The following KATNBL1 variants were observed in gnomAD, a reference collection of about 807,000 sequenced individuals.
KATNBL1 encodes the protein katanin regulatory subunit B1 like 1, also known as KATNB1-like protein 1.
Under a neutral mutation model 44.7 loss-of-function variants are expected in KATNBL1, and 28 were observed. That is an observed-to-expected ratio of 0.63 (90% CI 0.46 to 0.86). KATNBL1 has a LOEUF of 0.86. Ranked by LOEUF, KATNBL1 falls within the 40% of genes least tolerant of loss-of-function variation. KATNBL1 has a pLI of 0.00. For synonymous variants in KATNBL1, 78 were observed against 114.9 expected (o/e 0.68, Z 2.06); for missense variants, 272 against 350.7 (o/e 0.78, Z 1.79).
At chr15:34,187,423 A>G (rs1889748333) in intron 1 of KATNBL1, among the ~76,000 whole-genome samples, 1 of 152,206 alleles carries the variant, frequency 6.6e-6, no homozygotes. Context: ...ACACAGGACA[A>G]GAACTTGGGC....
intron 4 of KATNBL1, among the ~76,000 whole-genome samples, chr15:34,152,308 C>T (rs1052029384): frequency 6.6e-6 from 1 of 152,002 alleles, no homozygotes; most frequent in African/African-American, 2.4e-5. Flanking sequence ...TCAAGCGATT[C>T]TCCTGTCTCA....
chr15:34,208,401 A>G (rs1466219165), intron 1 of KATNBL1: 3 of 152,264 alleles, frequency 2.0e-5, no homozygotes, highest in Non-Finnish European at 4.4e-5. Context: ...TCTGCTATAG[A>G]TAAGTATAAA....
chr15:34,178,059 ATTT>A (rs910827786), intron 1 of KATNBL1: 1 of 151,968 alleles, frequency 6.6e-6, no homozygotes, highest in Non-Finnish European at 1.5e-5. Context: ...GCTTTAGTCT[ATTT>A]TTTTTAACCC....
chr15:34,171,632 A>C lies in KATNBL1; in HGVS notation c.-14-7942T>G, dbSNP rs1033504324. 7.2e-5 allele frequency among the ~76,000 whole-genome samples: 11 copies of C among 152,312 alleles called. 1 individual carries two copies. The highest frequency in any genetic ancestry group is 3.9e-4 in the Admixed American group (6 of 15,298). ...AATCATGCTACTATAAAGACACATG[A>C]ACATGTATGTTTATTGCAGCACTAT... On this transcript the variant is annotated intron_variant, in intron 1 of 9. Transcript: ENST00000256544.
In KATNBL1 at chr15:34,163,928, T is replaced by C. The variant is rs575677443; in HGVS notation, c.-14-238A>G. On this transcript the variant is annotated intron_variant, in intron 1 of 9. Coordinates refer to ENST00000256544, the MANE Select transcript of KATNBL1 (RefSeq NM_024713.3). The stretch of plus-strand genomic sequence containing the variant: ...TTTTTTTTGAGATGGAGTTTTGCTC[T>C]GTTGCCCAGGCTGGAGTGCGATGGC... Among the ~76,000 whole-genome samples the C allele has an allele frequency of 7.9e-5, 12 of 152,144 alleles. No individual in the cohort carries two copies. The South Asian group carries it at 1.5e-3, about 18-fold the overall frequency.
chr15:34,194,070 C>A (rs1889966422), intron 1 of KATNBL1, among the ~76,000 whole-genome samples: 1 of 151,936 alleles, frequency 6.6e-6, no homozygotes, highest in South Asian at 2.1e-4. Flanking sequence ...GCCTCCCGAG[C>A]AGCTGGGACT....
At chr15:34,207,777 A>T (rs143585316) in intron 1 of KATNBL1, among the ~76,000 whole-genome samples, 110 of 152,044 alleles carry the variant, frequency 7.2e-4, no homozygotes, top group African/African-American at 2.6e-3. Context: ...AATATTTTAA[A>T]TTTTTTGTAG....
At chr15:34,143,567 C>A (rs1301541782) in intron 9 of KATNBL1, among the ~76,000 whole-genome samples, 1 of 151,766 alleles carries the variant, frequency 6.6e-6, no homozygotes, top group Non-Finnish European at 1.5e-5. Context: ...CCCTTTAGAG[C>A]AAGGTAATAC....
chr15:34,195,724 A>G (rs1030436363), intron 1 of KATNBL1, among the ~76,000 whole-genome samples: 3 of 151,972 alleles, frequency 2.0e-5, no homozygotes, highest in African/African-American at 7.3e-5. Flanking sequence ...CAAACAAACA[A>G]AAAACCCACA....
chr15:34,201,763 A>G (rs1890180200), intron 1 of KATNBL1, among the ~76,000 whole-genome samples: 1 of 152,154 alleles, frequency 6.6e-6, no homozygotes, highest in African/African-American at 2.4e-5. Flanking sequence ...GAAATGGAAA[A>G]TATATATACA....
At chr15:34,145,582 AATTTTTCAGGT>A (rs1888283420) in intron 8 of KATNBL1, 91 bp from the exon 9 acceptor site, 6 of 1,135,562 alleles carry the variant, frequency 5.3e-6, no homozygotes, top group Non-Finnish European at 5.7e-6. Context: ...ACTGTTCTAA[AATTTTTCAGGT>A]ATTTTTCAGG....
chr15:34,209,830 A>C (rs1430522716), intron 1 of KATNBL1, 121 bp downstream of exon 1: 3 of 148,958 alleles, frequency 2.0e-5, no homozygotes, highest in Non-Finnish European at 4.5e-5. Context: ...AGCCCGGCCG[A>C]GCCGAGGCCG....
chr15:34,181,179 T>C (rs1021065834), intron 1 of KATNBL1, among the ~76,000 whole-genome samples: 1 of 152,146 alleles, frequency 6.6e-6, no homozygotes, highest in Non-Finnish European at 1.5e-5. Flanking sequence ...TCAAGTACAT[T>C]TGGATATGCT....
chr15:34,168,605 G>A (rs892500064), intron 1 of KATNBL1, among the ~76,000 whole-genome samples: 1 of 152,180 alleles, frequency 6.6e-6, no homozygotes, highest in Non-Finnish European at 1.5e-5. Context: ...GACATCTACA[G>A]AACTCTTCAC....
intron 1 of KATNBL1, among the ~76,000 whole-genome samples, chr15:34,199,287 A>C (rs1054116743): frequency 6.6e-6 from 1 of 152,110 alleles, no homozygotes; most frequent in Admixed American, 6.5e-5. Context: ...AAATACAAAA[A>C]TTAGCCTGGT....
At chr15:34,196,480 C>A (rs917698147) in intron 1 of KATNBL1, among the ~76,000 whole-genome samples, 2 of 152,090 alleles carry the variant, frequency 1.3e-5, no homozygotes, top group Non-Finnish European at 2.9e-5. Context: ...TCAATCCCAG[C>A]ACTTTAGGAG....
chr15:34,142,725 T>C (rs1252898587), intron 9 of KATNBL1: 1 of 246,042 alleles, frequency 4.1e-6, no homozygotes, highest in Non-Finnish European at 8.0e-6. Context: ...TCTTTCTCTT[T>C]TTTTTGAGAC....
chr15:34,165,687 T>A (rs192677386), intron 1 of KATNBL1, among the ~76,000 whole-genome samples: 179 of 152,114 alleles, frequency 1.2e-3, no homozygotes, highest in African/African-American at 4.1e-3. Context: ...CCCAGCTACC[T>A]GGGAGGTGAG....
chr15:34,171,390 C>A (rs1318580274), intron 1 of KATNBL1, among the ~76,000 whole-genome samples: 2 of 152,134 alleles, frequency 1.3e-5, no homozygotes, highest in Non-Finnish European at 2.9e-5. Flanking sequence ...AATGAGATAC[C>A]GTCTCATGCC....
Sources: allele counts gnomAD v4.1 joint callset (sites outside exome capture counted in the v4.1 genomes callset), GRCh38; gene constraint gnomAD v4.1.1; transcripts MANE v1.5; gene names NCBI Gene and HGNC (gene_info 2026-07-23, HGNC 2026-07-21).